Variants in CADM2 observed in about 807,000 individuals in gnomAD.
The protein encoded by CADM2 is cell adhesion molecule 2.
In CADM2, 12 loss-of-function variants were observed where a neutral mutation model predicts 49.8. That is an observed-to-expected ratio of 0.24 (90% CI 0.15 to 0.39). CADM2 has a LOEUF of 0.39. Among genes scored for constraint, CADM2 ranks in the 10% least tolerant of loss-of-function variants. The pLI, the probability that CADM2 is intolerant of heterozygous loss-of-function variation, is 1.00. For missense variants in CADM2, 378 were observed against 492.3 expected (o/e 0.77, Z 2.20); for synonymous variants, 214 against 175.4 (o/e 1.22, Z -1.74).
chr3:85,036,311 A>G (rs914930492), intron 1 of CADM2, among the ~76,000 whole-genome samples: 3 of 152,200 alleles, frequency 2.0e-5, no homozygotes, highest in Non-Finnish European at 4.4e-5. Flanking sequence ...AAAAATCATT[A>G]TTAGAAAGAA....
chr3:85,137,507 T>C (rs1318865733), intron 1 of CADM2, among the ~76,000 whole-genome samples: 1 of 152,026 alleles, frequency 6.6e-6, no homozygotes, highest in Admixed American at 6.6e-5. Flanking sequence ...ACTTTGCAGT[T>C]TTCTGGGGTT....
chr3:85,890,661 G>A (rs139918047), intron 5 of CADM2, among the ~76,000 whole-genome samples: 102 of 151,108 alleles, frequency 6.8e-4, no homozygotes, highest in Admixed American at 3.8e-3. Context: ...TTGTGAAATT[G>A]TAGCTATCAG....
At chr3:85,830,325 A>G (rs1379028809) in intron 3 of CADM2, among the ~76,000 whole-genome samples, 2 of 151,954 alleles carry the variant, frequency 1.3e-5, no homozygotes, top group Non-Finnish European at 2.9e-5. Flanking sequence ...TCTGCTTTGG[A>G]AAAATTTCTA....
At chr3:85,493,428 T>C (rs1475781167) in intron 1 of CADM2, among the ~76,000 whole-genome samples, 2 of 125,364 alleles carry the variant, frequency 1.6e-5, no homozygotes, top group Non-Finnish European at 3.7e-5. Flanking sequence ...CATTAAATTT[T>C]ATGTTTTTCA....
Position 85,410,822 on chromosome 3 carries a change from T to C in CADM2, c.62-315700T>C, listed in dbSNP as rs372787183. On this transcript the variant is annotated intron_variant, in intron 1 of 9. Coordinates refer to ENST00000383699, the MANE Select transcript of CADM2 (RefSeq NM_001167675.2). Reference sequence around the variant, plus strand: ...GTGTGCAGGAGAATTATAATGATTCTGCTGAAAAAGAGTCTAAATTAGGTA... The same window carrying C: ...GTGTGCAGGAGAATTATAATGATTCCGCTGAAAAAGAGTCTAAATTAGGTA... Among the ~76,000 whole-genome samples, 7 of 152,130 alleles carry C rather than the reference T, an allele frequency of 4.6e-5. No individual in the cohort carries two copies. The East Asian group carries it at 1.4e-3, about 29-fold the overall frequency.
chr3:85,603,821 T>C (rs1390588705), intron 1 of CADM2, among the ~76,000 whole-genome samples: 1 of 151,972 alleles, frequency 6.6e-6, no homozygotes, highest in Admixed American at 6.6e-5. Context: ...TCATAAGGAC[T>C]TTCTTCTCAT....
chr3:85,037,820 A>T (rs979511174), intron 1 of CADM2, among the ~76,000 whole-genome samples: 3 of 152,128 alleles, frequency 2.0e-5, no homozygotes, highest in East Asian at 1.9e-4. Flanking sequence ...GGTGAATATT[A>T]TATCCTCTTT....
intron 1 of CADM2, among the ~76,000 whole-genome samples, chr3:85,227,404 T>G (rs1167113429): frequency 6.6e-6 from 1 of 152,090 alleles, no homozygotes; most frequent in Non-Finnish European, 1.5e-5. Flanking sequence ...CTTTTGACCT[T>G]TCTTGGTTTA....
At chr3:85,516,259 T>G (rs979916645) in intron 1 of CADM2, among the ~76,000 whole-genome samples, 2 of 152,158 alleles carry the variant, frequency 1.3e-5, no homozygotes, top group Admixed American at 6.5e-5. Flanking sequence ...GTTTGGCATA[T>G]TTTTAGGCTG....
At chr3:85,408,850 T>G (rs1416502072) in intron 1 of CADM2, among the ~76,000 whole-genome samples, 1 of 152,134 alleles carries the variant, frequency 6.6e-6, no homozygotes, top group Non-Finnish European at 1.5e-5. Flanking sequence ...CAATAATCTT[T>G]CCATAAAGTT....
chr3:85,867,322 A>G (rs1454509550), intron 3 of CADM2, among the ~76,000 whole-genome samples: 1 of 152,004 alleles, frequency 6.6e-6, no homozygotes, highest in African/African-American at 2.4e-5. Flanking sequence ...GTATTATGTC[A>G]TCACTCAAGT....
intron 2 of CADM2, among the ~76,000 whole-genome samples, chr3:85,759,910 A>G (rs1360315288): frequency 6.6e-6 from 1 of 152,146 alleles, no homozygotes; most frequent in Non-Finnish European, 1.5e-5. Context: ...TCTACTATAA[A>G]TATCTTCTAT....
intron 2 of CADM2, among the ~76,000 whole-genome samples, chr3:85,792,582 AG>A (rs1360389673): frequency 1.3e-5 from 2 of 152,320 alleles, no homozygotes; most frequent in East Asian, 3.9e-4. Context: ...CTGTCTCTCT[AG>A]GTATATCTCG....
At chr3:85,595,359 A>G (rs1209040941) in intron 1 of CADM2, among the ~76,000 whole-genome samples, 1 of 152,036 alleles carries the variant, frequency 6.6e-6, no homozygotes, top group Non-Finnish European at 1.5e-5. Context: ...ATATTATCCA[A>G]TTTAAGAACA....
Position 86,066,853 on chromosome 3 carries a change from A to G in CADM2, c.*70A>G, listed in dbSNP as rs1739396486. 5 of 1,047,918 alleles carry G rather than the reference A, an allele frequency of 4.8e-6. No homozygotes were observed. The highest frequency in any genetic ancestry group is 7.5e-6 in the Non-Finnish European group (5 of 669,942). 64.9% of individuals were successfully genotyped at this position (1,047,918 alleles called of 1,614,324 possible). Reference sequence around the variant, plus strand: ...GAGAAAACTGGCTATCATCTTTCAGAAGTCATTTCTACCATCGTCTGCTAC... The same window carrying G: ...GAGAAAACTGGCTATCATCTTTCAGGAGTCATTTCTACCATCGTCTGCTAC... On this transcript the variant is annotated 3_prime_UTR_variant, in exon 10 of 10. Coordinates refer to ENST00000383699, the MANE Select transcript of CADM2 (RefSeq NM_001167675.2).
intron 1 of CADM2, among the ~76,000 whole-genome samples, chr3:85,011,477 A>G (rs952894794): frequency 2.0e-5 from 3 of 152,302 alleles, no homozygotes; most frequent in Non-Finnish European, 2.9e-5. Flanking sequence ...TAATTTTATA[A>G]TTTTCTAAAA....
At chr3:85,911,398 G>C (rs1443388212) in intron 5 of CADM2, among the ~76,000 whole-genome samples, 1 of 152,200 alleles carries the variant, frequency 6.6e-6, no homozygotes, top group Non-Finnish European at 1.5e-5. Flanking sequence ...TGCACAGCAA[G>C]TTTAAATATC....
intron 1 of CADM2, among the ~76,000 whole-genome samples, chr3:85,611,312 A>T (rs1935313376): frequency 6.6e-6 from 1 of 151,832 alleles, no homozygotes; most frequent in African/African-American, 2.4e-5. Flanking sequence ...AATGTTAGCA[A>T]TATGCCTCCA....
At chr3:85,833,117 T>C (rs1312442856) in intron 3 of CADM2, among the ~76,000 whole-genome samples, 2 of 151,940 alleles carry the variant, frequency 1.3e-5, no homozygotes, top group African/African-American at 4.8e-5. Context: ...GTGAATCACA[T>C]TTATTGATTT....
Sources: gnomAD v4.1 joint callset for allele counts (sites outside exome capture counted in the v4.1 genomes callset) on GRCh38, gnomAD v4.1.1 for gene constraint, MANE v1.5 for transcripts, NCBI Gene and HGNC (gene_info 2026-07-23, HGNC 2026-07-21) for gene names.